SPAG1: variants seen among roughly 807,000 people sequenced by gnomAD.
The protein encoded by SPAG1 is sperm associated antigen 1, also known as sperm-associated antigen 1.
In SPAG1, 69 loss-of-function variants were observed where a neutral mutation model predicts 100.5. The observed-to-expected ratio is 0.69, with a 90% confidence interval of 0.57 to 0.84. The LOEUF is 0.84. Ranked by LOEUF, SPAG1 falls within the 40% of genes least tolerant of loss-of-function variation. SPAG1 has a pLI of 0.00. For missense variants in SPAG1, 955 were observed against 1,133.1 expected (o/e 0.84, Z 2.26); for synonymous variants, 336 against 411.6 (o/e 0.82, Z 2.22).
intron 7 of SPAG1, among the ~76,000 whole-genome samples, chr8:100,185,768 T>C (rs1174862760): frequency 6.6e-6 from 1 of 152,204 alleles, no homozygotes; most frequent in Non-Finnish European, 1.5e-5. Context: ...TTTTCAATGT[T>C]GTTGGTGTAT....
intron 16 of SPAG1, among the ~76,000 whole-genome samples, chr8:100,235,776 A>AC (rs893057877): frequency 5.3e-5 from 8 of 149,904 alleles, no homozygotes; most frequent in African/African-American, 1.5e-4. Flanking sequence ...CTGCCCTGTG[A>AC]CCCCCGCCCC....
At chr8:100,228,800 T>C (rs1263986920) in intron 14 of SPAG1, among the ~76,000 whole-genome samples, 8 of 152,176 alleles carry the variant, frequency 5.3e-5, no homozygotes, top group Non-Finnish European at 1.5e-5. Flanking sequence ...TAAATTTTAA[T>C]TTATGGATTT....
chr8:100,206,052 A>G (rs7462501), intron 10 of SPAG1, among the ~76,000 whole-genome samples: 19,956 of 132,240 alleles, frequency 0.15, 1,809 homozygotes, highest in Middle Eastern at 0.21. Flanking sequence ...AAAAAAAAAA[A>G]AAAGAAAGAT....
At chr8:100,207,567 C>T (rs1195395380) in intron 10 of SPAG1, among the ~76,000 whole-genome samples, 2 of 152,218 alleles carry the variant, frequency 1.3e-5, no homozygotes, top group African/African-American at 4.8e-5. Context: ...CCTGGTGGTA[C>T]ACTTTGCATA....
At chr8:100,230,327 G>T (rs760670146) in intron 14 of SPAG1, among the ~76,000 whole-genome samples, 3 of 152,212 alleles carry the variant, frequency 2.0e-5, no homozygotes, top group African/African-American at 4.8e-5. Flanking sequence ...TCATTGACTG[G>T]TTCTGTCGTA....
chr8:100,227,841 A>ATTTTTTTTTTTTTTTTTTTTTTT (rs34049816), intron 14 of SPAG1, among the ~76,000 whole-genome samples: 1 of 103,796 alleles, frequency 9.6e-6, no homozygotes, highest in Non-Finnish European at 1.8e-5. Context: ...ATTGTGTCAG[A>ATTTTTTTTTTTTTTTTTTTTTTT]TTTTTTTTTT....
At position 100,162,173 on chromosome 8, in the gene SPAG1, T is replaced by G. The variant is rs1815337371; in HGVS notation, c.-2-106T>G. Reference sequence around the variant, plus strand: ...GGGAGACTCTGTCTCTACAAAAAATTTTTAAAAATTCAAAAAAATACAAAG... The same window carrying G: ...GGGAGACTCTGTCTCTACAAAAAATGTTTAAAAATTCAAAAAAATACAAAG... On this transcript the variant is annotated intron_variant, in intron 1 of 18. Transcript: ENST00000388798. 4.2e-6 allele frequency: 4 copies of G among 960,866 alleles called. No homozygotes were observed. The Admixed American group carries it at 9.7e-5, about 23-fold the overall frequency. The allele number at this position is 960,866 out of a possible 1,614,324, so 59.5% of individuals were successfully genotyped here.
chr8:100,221,201 A>G (rs1378479946), intron 13 of SPAG1, among the ~76,000 whole-genome samples: 1 of 152,260 alleles, frequency 6.6e-6, no homozygotes, highest in Non-Finnish European at 1.5e-5. Flanking sequence ...TTGGCACCAT[A>G]TCTGTCAGTG....
intron 2 of SPAG1, 44 bp from the exon 3 acceptor site, chr8:100,165,770 C>T (rs1260920799): frequency 1.3e-6 from 2 of 1,545,100 alleles, no homozygotes; most frequent in Admixed American, 1.8e-5. Flanking sequence ...CTAGATGATC[C>T]TAAATAAGGT....
At chr8:100,233,090 G>C in intron 15 of SPAG1, 1 of 271,780 alleles carries the variant, frequency 3.7e-6, no homozygotes, top group Non-Finnish European at 7.1e-6. Flanking sequence ...CCTGCTCTGC[G>C]CCTTGTCTCA....
rs116807960 is a variant in SPAG1, at chr8:100,186,697, G to A, written c.702-423G>A. Among the ~76,000 whole-genome samples the A allele has an allele frequency of 8.3e-3, 1,265 of 152,194 alleles. 26 individuals are homozygous for A. The highest frequency in any genetic ancestry group is 0.028 in the African/African-American group (1,176 of 41,534). On this transcript the variant is annotated intron_variant, in intron 7 of 18. Transcript: ENST00000388798. ...GTACCACAGACTGAGCGGCTTAAAC[G>A]AGAGAAATTTCTTTTCTCACACTTC... is the stretch of plus-strand genomic sequence containing the variant.
At chr8:100,168,858 C>T (rs1815692829) in intron 3 of SPAG1, among the ~76,000 whole-genome samples, 1 of 151,214 alleles carries the variant, frequency 6.6e-6, no homozygotes, top group Non-Finnish European at 1.5e-5. Flanking sequence ...CAGCTAATGT[C>T]GTATTTTTAG....
intron 5 of SPAG1, 73 bp downstream of exon 5, chr8:100,183,509 C>A: frequency 1.4e-6 from 1 of 696,592 alleles, no homozygotes; most frequent in Non-Finnish European, 2.5e-6. Flanking sequence ...GCAATAATTT[C>A]TTAAATAATT....
intron 12 of SPAG1, among the ~76,000 whole-genome samples, chr8:100,214,988 C>CAT (rs71274967): frequency 4.4e-5 from 3 of 68,848 alleles, no homozygotes; most frequent in Admixed American, 1.9e-4. Context: ...AAACTTTACT[C>CAT]ATATATATAT....
intron 12 of SPAG1, among the ~76,000 whole-genome samples, chr8:100,215,411 G>C (rs561213082): frequency 6.6e-6 from 1 of 152,120 alleles, no homozygotes. Context: ...CACAGCTCTG[G>C]CTTACTCCTG....
chr8:100,218,475 T>C (rs1288793122), intron 12 of SPAG1, among the ~76,000 whole-genome samples: 1 of 152,182 alleles, frequency 6.6e-6, no homozygotes, highest in Non-Finnish European at 1.5e-5. Context: ...AGAGTTAATA[T>C]TACCTAAACA....
chr8:100,197,038 C>T (rs780348846), intron 10 of SPAG1, among the ~76,000 whole-genome samples: 1 of 152,150 alleles, frequency 6.6e-6, no homozygotes, highest in East Asian at 1.9e-4. Flanking sequence ...ATAGGCACAC[C>T]ACCGCACTCA....
chr8:100,178,232 G>C (rs1365309256), intron 4 of SPAG1, among the ~76,000 whole-genome samples: 1 of 150,410 alleles, frequency 6.6e-6, no homozygotes, highest in Non-Finnish European at 1.5e-5. Flanking sequence ...CTTCCGTCCA[G>C]TTTTGATGAG....
intron 8 of SPAG1, among the ~76,000 whole-genome samples, chr8:100,190,321 A>T (rs1228330126): frequency 6.6e-6 from 1 of 152,012 alleles, no homozygotes; most frequent in Non-Finnish European, 1.5e-5. Flanking sequence ...TCAAAAAAAA[A>T]AAAAAAAAAA....
Sources: allele counts gnomAD v4.1 joint callset (sites outside exome capture counted in the v4.1 genomes callset), GRCh38; gene constraint gnomAD v4.1.1; transcripts MANE v1.5; gene names NCBI Gene and HGNC (gene_info 2026-07-23, HGNC 2026-07-21).